PTN: variants seen among roughly 807,000 people sequenced by gnomAD.
The protein encoded by PTN is heparin affin regulatory protein.
Under a neutral mutation model 24.1 loss-of-function variants are expected in PTN, and 18 were observed. The observed-to-expected ratio is 0.75, with a 90% CI of 0.52 to 1.11. The LOEUF (loss-of-function observed/expected upper bound fraction) is 1.11. PTN is among the 50% of genes least tolerant of loss of function. The probability of loss-of-function intolerance (pLI) is 0.00; values close to 1 mark genes in which losing one functional copy is unlikely to be tolerated. For missense variants in PTN, 163 were observed against 198.8 expected, an observed-to-expected ratio of 0.82 and a Z score of 1.08; for synonymous variants, 78 against 68.6, an observed-to-expected ratio of 1.14 and a Z score of -0.67.
At chr7:137,284,203 G>A (rs899762594) in intron 1 of PTN, among the ~76,000 whole-genome samples, 4 of 151,340 alleles carry the variant, frequency 2.6e-5, no homozygotes, top group Admixed American at 2.6e-4. Context: ...TGATCCGCCC[G>A]CCTCGGCCTC....
chr7:137,256,070 T>C (rs1031991422), intron 1 of PTN, among the ~76,000 whole-genome samples: 1 of 152,262 alleles, frequency 6.6e-6, no homozygotes, highest in African/African-American at 2.4e-5. Context: ...TTGAGATTAT[T>C]CTTTTCTCTA....
intron 1 of PTN, among the ~76,000 whole-genome samples, chr7:137,266,911 C>G (rs115591876): frequency 6.9e-6 from 1 of 145,082 alleles, no homozygotes; most frequent in Non-Finnish European, 1.5e-5. Context: ...AAGCAGCTGC[C>G]GCTACAGATT....
chr7:137,321,270 G>A (rs1215701934), intron 1 of PTN, among the ~76,000 whole-genome samples: 1 of 152,180 alleles, frequency 6.6e-6, no homozygotes, highest in Admixed American at 6.6e-5. Flanking sequence ...CACTATACCT[G>A]CTCACAGCTT....
At chr7:137,245,264 G>A (rs1808702967) in intron 4 of PTN, among the ~76,000 whole-genome samples, 1 of 152,174 alleles carries the variant, frequency 6.6e-6, no homozygotes, top group African/African-American at 2.4e-5. Context: ...GGCACTTTCT[G>A]ACGAAGAGCT....
intron 4 of PTN, among the ~76,000 whole-genome samples, chr7:137,247,667 T>C (rs1808748331): frequency 6.6e-6 from 1 of 152,200 alleles, no homozygotes; most frequent in African/African-American, 2.4e-5. Flanking sequence ...TTAGGTTGTT[T>C]GTTACTCCAA....
intron 2 of PTN, among the ~76,000 whole-genome samples, chr7:137,254,540 A>AT (rs71758827): frequency 0.15 from 21,805 of 146,828 alleles, 1,753 homozygotes; most frequent in East Asian, 0.26. Flanking sequence ...GTTGCAGTGC[A>AT]TTTTTTTTTT....
intron 1 of PTN, among the ~76,000 whole-genome samples, chr7:137,301,303 T>C (rs1809801614): frequency 6.6e-6 from 1 of 151,814 alleles, no homozygotes; most frequent in Admixed American, 6.6e-5. Context: ...AAGGGCAGTG[T>C]AAAGACCACA....
intron 1 of PTN, among the ~76,000 whole-genome samples, chr7:137,341,022 C>T (rs188926552): frequency 1.2e-3 from 189 of 152,242 alleles, no homozygotes; most frequent in African/African-American, 4.3e-3. Flanking sequence ...CCATTTTCAA[C>T]GAGCCGGGTA....
intron 1 of PTN, among the ~76,000 whole-genome samples, chr7:137,316,964 G>A (rs1181893835): frequency 1.3e-5 from 2 of 152,182 alleles, no homozygotes; most frequent in Non-Finnish European, 2.9e-5. Context: ...ACAATTAACT[G>A]CTTTGTCTGT....
intron 1 of PTN, among the ~76,000 whole-genome samples, chr7:137,308,216 A>G (rs1205506435): frequency 3.9e-5 from 6 of 152,144 alleles, no homozygotes; most frequent in Admixed American, 3.9e-4. Context: ...AAAGTCATGA[A>G]TTGTTACTCA....
intron 1 of PTN, among the ~76,000 whole-genome samples, chr7:137,314,753 C>T (rs1810042427): frequency 6.6e-6 from 1 of 152,012 alleles, no homozygotes; most frequent in Non-Finnish European, 1.5e-5. Flanking sequence ...CACCACCGCA[C>T]TCAGCTAATT....
chr7:137,309,283 T>A (rs977160266), intron 1 of PTN, among the ~76,000 whole-genome samples: 9 of 152,214 alleles, frequency 5.9e-5, no homozygotes, highest in African/African-American at 1.9e-4. Flanking sequence ...ATCTCAATTT[T>A]AAAATATTGT....
At chr7:137,230,360 A>T (rs1326457383) in intron 4 of PTN, among the ~76,000 whole-genome samples, 1 of 151,794 alleles carries the variant, frequency 6.6e-6, no homozygotes, top group African/African-American at 2.4e-5. Context: ...GGAAATCAAC[A>T]ATTTGCTTAT....
intron 4 of PTN, among the ~76,000 whole-genome samples, chr7:137,233,190 G>A (rs1159319128): frequency 2.0e-5 from 3 of 151,802 alleles, no homozygotes; most frequent in Non-Finnish European, 2.9e-5. Context: ...CTTTAGGTAC[G>A]GTGAGACAAT....
chr7:137,327,796 G>A (rs1334486697), intron 1 of PTN, among the ~76,000 whole-genome samples: 2 of 152,034 alleles, frequency 1.3e-5, no homozygotes, highest in African/African-American at 4.8e-5. Flanking sequence ...CTTTTATGAG[G>A]ATGAAACTAA....
chr7:137,335,896 T>G (rs1810439345), intron 1 of PTN, among the ~76,000 whole-genome samples: 1 of 152,026 alleles, frequency 6.6e-6, no homozygotes. Context: ...GCATGCCTGT[T>G]TCAGTTCAGC....
intron 4 of PTN, among the ~76,000 whole-genome samples, chr7:137,238,057 A>G (rs970469605): frequency 2.0e-5 from 3 of 152,158 alleles, no homozygotes; most frequent in Non-Finnish European, 4.4e-5. Context: ...TTCTTCTACA[A>G]ATATTGTTTA....
intron 1 of PTN, among the ~76,000 whole-genome samples, chr7:137,335,022 A>G (rs1810422479): frequency 8.3e-6 from 1 of 120,818 alleles, no homozygotes; most frequent in African/African-American, 3.3e-5. Flanking sequence ...GAAGGGGAAC[A>G]TCACACTCTG....
chr7:137,286,752 T>G (rs900678856), intron 1 of PTN, among the ~76,000 whole-genome samples: 2 of 152,158 alleles, frequency 1.3e-5, no homozygotes, highest in African/African-American at 4.8e-5. Flanking sequence ...AGTTTCAGAA[T>G]GAGTTAAAAA....
Sources: allele counts gnomAD v4.1 joint callset (sites outside exome capture counted in the v4.1 genomes callset), GRCh38; gene constraint gnomAD v4.1.1; transcripts MANE v1.5; gene names NCBI Gene and HGNC (gene_info 2026-07-23, HGNC 2026-07-21).